The following OTOGL variants were observed in gnomAD, a reference collection of about 807,000 sequenced individuals.
The protein encoded by OTOGL is otogelin-like protein.
OTOGL carries 285 observed loss-of-function variants against 318.5 expected under a neutral mutation model. That is an observed-to-expected ratio of 0.89 (90% CI 0.81 to 0.99). The LOEUF (loss-of-function observed/expected upper bound fraction) is 0.99. Ranked by LOEUF, OTOGL falls within the 50% of genes least tolerant of loss-of-function variation. The pLI, the probability that OTOGL is intolerant of heterozygous loss-of-function variation, is 0.00. For missense variants in OTOGL, 2,899 were observed against 2,845.6 expected (o/e 1.02, Z -0.43); for synonymous variants, 987 against 936.5 (o/e 1.05, Z -0.99).
intron 52 of OTOGL, among the ~76,000 whole-genome samples, chr12:80,360,071 C>T (rs544022515): frequency 6.6e-6 from 1 of 152,270 alleles, no homozygotes; most frequent in South Asian, 2.1e-4. Context: ...GTAGCCAAGG[C>T]ACAACTTGAA....
At position 80,105,011 on chromosome 12, in the gene OTOGL, G is replaced by A. The variant is rs183697159; in HGVS notation, c.-20+5406G>A. Among the ~76,000 whole-genome samples, 714 of 152,148 alleles carry A rather than the reference G, an allele frequency of 4.7e-3. 5 individuals are homozygous for A. Among genetic ancestry groups the A allele is most frequent in the African/African-American group, 0.016 (674 of 41,512 alleles). On this transcript the variant is annotated intron_variant, in intron 1 of 58. Coordinates refer to ENST00000547103, the MANE Select transcript of OTOGL (RefSeq NM_001378609.3). ...CTTGGGAGGCTGAGGCAGGAGAATCGCTTGAACCAGGGAGGTGGGGGTTGC... is the reference window on the plus strand; with the variant it reads ...CTTGGGAGGCTGAGGCAGGAGAATCACTTGAACCAGGGAGGTGGGGGTTGC...
chr12:80,364,146 T>C (rs1890391704), intron 52 of OTOGL, among the ~76,000 whole-genome samples: 1 of 152,156 alleles, frequency 6.6e-6, no homozygotes, highest in Non-Finnish European at 1.5e-5. Context: ...AGAACGTAAC[T>C]AGTAGCTTTA....
rs755871184 is a variant in OTOGL at position 80,353,346 on chromosome 12, A to G, written c.5429A>G (p.Lys1810Arg). Residue 1810 changes from lysine to arginine, a missense_variant, in exon 46 of 59, where the codon AAG (lysine) becomes AGG (arginine). Physicochemically the swap from Lys to Arg is conservative, Grantham distance 26. Coordinates refer to ENST00000547103, the MANE Select transcript of OTOGL (RefSeq NM_001378609.3). ...DYCSLSCPEG[K>R]EYQPCVRPCE... Reference sequence around the variant, plus strand: ...AAAGCCCTGAGTTGCCCAGAGGGGAAGGAATATCAACCCTGTGTGCGACCT... The same window carrying G: ...AAAGCCCTGAGTTGCCCAGAGGGGAGGGAATATCAACCCTGTGTGCGACCT... The G allele has an allele frequency of 5.1e-6, 8 of 1,580,900 alleles. No homozygotes were observed. The highest frequency in any genetic ancestry group is 1.7e-4 in the Middle Eastern group (1 of 6,008).
At chr12:80,228,961 A>G (rs1419500538) in intron 7 of OTOGL, among the ~76,000 whole-genome samples, 1 of 152,206 alleles carries the variant, frequency 6.6e-6, no homozygotes. Context: ...GAGTTTTACT[A>G]TTAGAACTAA....
intron 1 of OTOGL, among the ~76,000 whole-genome samples, chr12:80,151,483 A>C (rs1462083326): frequency 6.6e-6 from 1 of 152,210 alleles, no homozygotes; most frequent in Non-Finnish European, 1.5e-5. Flanking sequence ...CCCCTATTAA[A>C]ATGTAAGCTC....
intron 27 of OTOGL, among the ~76,000 whole-genome samples, chr12:80,301,493 C>A (rs1370160889): frequency 6.6e-6 from 1 of 152,196 alleles, no homozygotes; most frequent in Admixed American, 6.5e-5. Context: ...AGGCTATGAT[C>A]CATCATGTAA....
intron 1 of OTOGL, among the ~76,000 whole-genome samples, chr12:80,184,865 T>C (rs1875178424): frequency 6.6e-6 from 1 of 152,214 alleles, no homozygotes; most frequent in African/African-American, 2.4e-5. Context: ...CCATTTATTT[T>C]CTGGCATCTT....
At chr12:80,368,404 C>A (rs1890687781) in intron 55 of OTOGL, 95 bp downstream of exon 55, 2 of 750,980 alleles carry the variant, frequency 2.7e-6, no homozygotes, top group Non-Finnish European at 4.5e-6. Context: ...ACACACTGCA[C>A]TGCATACAAT....
At chr12:80,246,072 T>C (rs1332282413) in intron 11 of OTOGL, among the ~76,000 whole-genome samples, 11 of 151,542 alleles carry the variant, frequency 7.3e-5, no homozygotes, top group Non-Finnish European at 1.2e-4. Flanking sequence ...GCTGAGACAA[T>C]GGGGTTTTCT....
intron 1 of OTOGL, among the ~76,000 whole-genome samples, chr12:80,138,510 T>C (rs1871722272): frequency 6.6e-6 from 1 of 152,142 alleles, no homozygotes; most frequent in Admixed American, 6.5e-5. Flanking sequence ...TCCAGGTTAA[T>C]AGGAATGGGG....
intron 4 of OTOGL, among the ~76,000 whole-genome samples, chr12:80,217,132 C>A (rs557932928): frequency 6.6e-6 from 1 of 152,220 alleles, no homozygotes; most frequent in South Asian, 2.1e-4. Context: ...GGTCTGTCAG[C>A]CCCATGCATT....
chr12:80,301,268 A>G (rs1204365602), intron 27 of OTOGL, among the ~76,000 whole-genome samples: 5 of 152,226 alleles, frequency 3.3e-5, no homozygotes, highest in Non-Finnish European at 1.5e-5. Flanking sequence ...GATTCAATAT[A>G]GCCATGTGTT....
At chr12:80,339,294 G>GTAT in intron 43 of OTOGL, 30 bp downstream of exon 43, 6 of 578,518 alleles carry the variant, frequency 1.0e-5, no homozygotes, top group Non-Finnish European at 1.5e-5. Context: ...TCTTGATTTC[G>GTAT]TCTGTTTTTT....
At chr12:80,227,533 T>C (rs776718060) in intron 7 of OTOGL, among the ~76,000 whole-genome samples, 2 of 152,170 alleles carry the variant, frequency 1.3e-5, no homozygotes, top group Non-Finnish European at 2.9e-5. Flanking sequence ...ACTCTGGATA[T>C]ATGCATGGGA....
At position 80,377,908 on chromosome 12, in the gene OTOGL, G is replaced by A. The variant is rs1891257108; in HGVS notation, c.6922G>A (p.Glu2308Lys). 3.1e-6 allele frequency: 5 copies of A among 1,611,394 alleles called. No homozygotes were observed. Among genetic ancestry groups the A allele is most frequent in the Non-Finnish European group, 4.2e-6 (5 of 1,178,460 alleles). The change falls in exon 59 of 59, where the codon GAA becomes AAA. Residue 2308 changes from glutamate (E) to lysine (K), a missense_variant. By Grantham distance (56) the Glu-to-Lys change is moderately conservative. Around this residue, in one of 3 missense-constraint regions of OTOGL, gnomAD observed 289 missense variants for 304.6 expected, o/e 0.95. Coordinates refer to ENST00000547103, the MANE Select transcript of OTOGL (RefSeq NM_001378609.3). Reference sequence around the variant, plus strand: ...AGCTACCATATATAACATCAATATTGAAAGTCACCTAAGATTCTGCAAGTG... The same window carrying A: ...AGCTACCATATATAACATCAATATTAAAAGTCACCTAAGATTCTGCAAGTG... ...PSATIYNINI[E>K]SHLRFCKCCR...
At chr12:80,152,683 T>TTTTA (rs1210646941) in intron 1 of OTOGL, among the ~76,000 whole-genome samples, 1 of 152,160 alleles carries the variant, frequency 6.6e-6, no homozygotes, top group Non-Finnish European at 1.5e-5. Flanking sequence ...AATTTTTAAA[T>TTTTA]TTTATTTATT....
chr12:80,305,595 G>A lies in OTOGL; in HGVS notation c.3233G>A (p.Cys1078Tyr). 6.4e-7 allele frequency: 1 copy of A among 1,568,840 alleles called. No individual in the cohort carries two copies. Among genetic ancestry groups the A allele is most frequent in the South Asian group, 1.2e-5 (1 of 83,730 alleles). The change falls in exon 29 of 59, where the codon TGT becomes TAT. Residue 1078 changes from cysteine (C) to tyrosine (Y), a missense_variant. Coordinates refer to ENST00000547103, the MANE Select transcript of OTOGL (RefSeq NM_001378609.3). ...CTTTAGAACAAGCTATCAGGATTGT[G>A]TGGAAACTTTGACAAATGCACTTCA... ...PQWKNKLSGL[C>Y]GNFDKCTSND...
chr12:80,183,360 G>T (rs1380088413), intron 1 of OTOGL, among the ~76,000 whole-genome samples: 1 of 152,178 alleles, frequency 6.6e-6, no homozygotes, highest in Admixed American at 6.5e-5. Context: ...GAAGTAGTAG[G>T]ACTCTTAAGA....
rs980816747 is a variant in OTOGL at position 80,328,187 on chromosome 12, C to T, written c.4200-478C>T. 4.0e-4 allele frequency among the ~76,000 whole-genome samples: 61 copies of T among 151,890 alleles called. 1 individual carries two copies. Among genetic ancestry groups the T allele is most frequent in the African/African-American group, 1.4e-3 (60 of 41,422 alleles). Reference sequence around the variant, plus strand: ...AGAAAAAATTAGCCAGGCATGATGACACATGCCTGTAGTCCAAGCTACTCA... The same window carrying T: ...AGAAAAAATTAGCCAGGCATGATGATACATGCCTGTAGTCCAAGCTACTCA... On this transcript the variant is annotated intron_variant, in intron 35 of 58. Transcript: ENST00000547103.
Sources: allele counts gnomAD v4.1 joint callset (sites outside exome capture counted in the v4.1 genomes callset), GRCh38; gene constraint gnomAD v4.1.1; regional missense constraint gnomAD v4.1.1; transcripts MANE v1.5; gene names NCBI Gene and HGNC (gene_info 2026-07-23, HGNC 2026-07-21).